Variants in MAP2K4 observed in about 807,000 individuals in gnomAD.
MAP2K4 encodes the protein dual specificity mitogen-activated protein kinase kinase 4.
Under a neutral mutation model 48.5 loss-of-function variants are expected in MAP2K4, and 4 were observed. That is an observed-to-expected ratio of 0.08 (90% CI 0.04 to 0.19). MAP2K4 has a LOEUF of 0.19. Ranked by LOEUF, MAP2K4 falls within the 10% of genes least tolerant of loss-of-function variation. The pLI, the probability that MAP2K4 is intolerant of heterozygous loss-of-function variation, is 1.00. For synonymous variants in MAP2K4, 166 were observed against 173.1 expected (o/e 0.96, Z 0.32); for missense variants, 258 against 493.3 (o/e 0.52, Z 4.52).
chr17:12,035,569 G>C (rs1201025235), intron 1 of MAP2K4, among the ~76,000 whole-genome samples: 1 of 151,986 alleles, frequency 6.6e-6, no homozygotes, highest in Non-Finnish European at 1.5e-5. Context: ...AAAAATAAAG[G>C]CTTGAAATCA....
At chr17:12,099,967 C>G (rs1020390488) in intron 4 of MAP2K4, among the ~76,000 whole-genome samples, 2 of 152,164 alleles carry the variant, frequency 1.3e-5, no homozygotes, top group African/African-American at 2.4e-5. Flanking sequence ...GGCAGTGATG[C>G]TGGCTGAAGC....
chr17:12,057,125 T>G (rs1970304154), intron 2 of MAP2K4, among the ~76,000 whole-genome samples: 2 of 152,156 alleles, frequency 1.3e-5, no homozygotes, highest in African/African-American at 2.4e-5. Context: ...GTTCTTTTTT[T>G]CTGAGAACCA....
At chr17:12,024,784 G>A (rs1166339618) in intron 1 of MAP2K4, among the ~76,000 whole-genome samples, 2 of 152,172 alleles carry the variant, frequency 1.3e-5, no homozygotes, top group African/African-American at 2.4e-5. Context: ...AGAAATTTTA[G>A]CCAACCTAAA....
chr17:12,041,913 G>A (rs1160764541), intron 1 of MAP2K4, among the ~76,000 whole-genome samples: 2 of 152,158 alleles, frequency 1.3e-5, no homozygotes, highest in Non-Finnish European at 2.9e-5. Context: ...GGGCGTGGTG[G>A]CTCATGCCTG....
chr17:12,032,630 C>G (rs542330056), intron 1 of MAP2K4, among the ~76,000 whole-genome samples: 3 of 152,040 alleles, frequency 2.0e-5, no homozygotes, highest in Non-Finnish European at 4.4e-5. Context: ...CTTTTAAGAT[C>G]GTGGTGCAGA....
chr17:12,072,727 T>G (rs934785581), intron 2 of MAP2K4, among the ~76,000 whole-genome samples: 14 of 152,204 alleles, frequency 9.2e-5, no homozygotes, highest in African/African-American at 3.1e-4. Context: ...ACCCTAGATT[T>G]CAGGTCTTTG....
intron 4 of MAP2K4, among the ~76,000 whole-genome samples, chr17:12,099,224 A>C (rs1330268616): frequency 2.0e-5 from 3 of 152,180 alleles, no homozygotes; most frequent in East Asian, 1.9e-4. Flanking sequence ...AAAAAAAAAA[A>C]AACATGATTT....
intron 5 of MAP2K4, among the ~76,000 whole-genome samples, chr17:12,109,564 C>T (rs1226479652): frequency 2.6e-5 from 4 of 152,064 alleles, no homozygotes; most frequent in African/African-American, 9.7e-5. Flanking sequence ...CCTTCCCTTC[C>T]TGAAGAAATG....
intron 1 of MAP2K4, among the ~76,000 whole-genome samples, chr17:12,051,527 G>T (rs997173160): frequency 6.6e-6 from 1 of 152,216 alleles, no homozygotes; most frequent in African/African-American, 2.4e-5. Context: ...GTTTATCTGT[G>T]TTGACTGGTT....
At chr17:12,038,380 G>A (rs747711633) in intron 1 of MAP2K4, among the ~76,000 whole-genome samples, 1 of 152,124 alleles carries the variant, frequency 6.6e-6, no homozygotes, top group Non-Finnish European at 1.5e-5. Flanking sequence ...TCCCTGGGTA[G>A]AAATGCCAAA....
intron 1 of MAP2K4, among the ~76,000 whole-genome samples, chr17:12,045,471 C>G (rs1969932875): frequency 6.6e-6 from 1 of 152,188 alleles, no homozygotes; most frequent in Admixed American, 6.5e-5. Flanking sequence ...CTAGAAGCCA[C>G]TCCGTGGGCT....
At chr17:12,027,890 T>C (rs1969309888) in intron 1 of MAP2K4, among the ~76,000 whole-genome samples, 2 of 152,090 alleles carry the variant, frequency 1.3e-5, no homozygotes, top group African/African-American at 4.8e-5. Context: ...TTTGTGTAGG[T>C]TAAGCTGGTC....
At chr17:12,044,153 A>G (rs1404645039) in intron 1 of MAP2K4, among the ~76,000 whole-genome samples, 2 of 152,192 alleles carry the variant, frequency 1.3e-5, no homozygotes, top group Non-Finnish European at 2.9e-5. Context: ...GGCAAAATAC[A>G]GTTATATTTT....
intron 3 of MAP2K4, among the ~76,000 whole-genome samples, chr17:12,091,511 A>G (rs1482224197): frequency 6.6e-6 from 1 of 152,224 alleles, no homozygotes; most frequent in Non-Finnish European, 1.5e-5. Context: ...GGCTGATCCA[A>G]CCAATGGCAT....
chr17:12,079,373 CTTTCA>C (rs1349860435), intron 2 of MAP2K4, among the ~76,000 whole-genome samples: 5 of 151,978 alleles, frequency 3.3e-5, no homozygotes, highest in Non-Finnish European at 5.9e-5. Flanking sequence ...AATGAAATAT[CTTTCA>C]TTTCAGTTCT....
At chr17:12,138,268 C>A (rs981065629) in intron 9 of MAP2K4, among the ~76,000 whole-genome samples, 1 of 150,714 alleles carries the variant, frequency 6.6e-6, no homozygotes, top group African/African-American at 2.4e-5. Flanking sequence ...GTCAAAAATC[C>A]GCATATAACT....
intron 9 of MAP2K4, among the ~76,000 whole-genome samples, chr17:12,129,751 C>G (rs1479313449): frequency 6.6e-6 from 1 of 152,158 alleles, no homozygotes; most frequent in African/African-American, 2.4e-5. Flanking sequence ...GGGTCACATC[C>G]ACACGCAAAG....
chr17:12,098,409 C>T (rs375489747), intron 4 of MAP2K4, among the ~76,000 whole-genome samples: 5 of 149,410 alleles, frequency 3.3e-5, no homozygotes, highest in African/African-American at 5.0e-5. Flanking sequence ...ATCCAGGAGG[C>T]GGAGGTTGCA....
chr17:12,129,417 G>T, intron 9 of MAP2K4, 130 bp downstream of exon 9: 1 of 1,039,638 alleles, frequency 9.6e-7, no homozygotes, highest in Non-Finnish European at 1.4e-6. Context: ...TTTCAAGCTG[G>T]GACTCTGGAT....
Sources: allele counts gnomAD v4.1 joint callset (sites outside exome capture counted in the v4.1 genomes callset), GRCh38; gene constraint gnomAD v4.1.1; transcripts MANE v1.5; gene names NCBI Gene and HGNC (gene_info 2026-07-23, HGNC 2026-07-21).